GALNT18: variants seen among roughly 807,000 people sequenced by gnomAD.
GALNT18 encodes the protein GalNAc-transferase 18.
A neutral mutation model predicts 69.5 loss-of-function variants in GALNT18; 44 were observed. The observed-to-expected ratio is 0.63, with a 90% CI of 0.50 to 0.81. The LOEUF (loss-of-function observed/expected upper bound fraction) is 0.81, where lower values mean the gene tolerates loss of function less well. Ranked by LOEUF, GALNT18 falls within the 40% of genes least tolerant of loss-of-function variation. The probability of loss-of-function intolerance (pLI) is 0.00; values close to 1 mark genes in which losing one functional copy is unlikely to be tolerated. For synonymous variants in GALNT18, 364 were observed against 318.2 expected (o/e 1.14, Z -1.53); for missense variants, 715 against 810.0 (o/e 0.88, Z 1.42).
At chr11:11,397,029 T>C (rs1352600949) in intron 3 of GALNT18, among the ~76,000 whole-genome samples, 1 of 152,078 alleles carries the variant, frequency 6.6e-6, no homozygotes, top group Non-Finnish European at 1.5e-5. Flanking sequence ...CCATGGCAAA[T>C]GTGTGCAGAC....
At chr11:11,468,900 G>A (rs374878776) in intron 1 of GALNT18, among the ~76,000 whole-genome samples, 27 of 152,194 alleles carry the variant, frequency 1.8e-4, no homozygotes, top group African/African-American at 4.3e-4. Context: ...AGCGACCTTC[G>A]TTCTCCAGTG....
chr11:11,279,623 C>T (rs1017136733), intron 10 of GALNT18, among the ~76,000 whole-genome samples: 1 of 152,134 alleles, frequency 6.6e-6, no homozygotes, highest in African/African-American at 2.4e-5. Context: ...AATACAATGT[C>T]GAGCAGAAGC....
rs545743830 is a variant in GALNT18, at chr11:11,485,420, C to T, written c.236-36484G>A. Among the ~76,000 whole-genome samples, 5 of 152,264 alleles carry T rather than the reference C, an allele frequency of 3.3e-5. No homozygotes were observed. The South Asian group carries it at 1.0e-3, about 32-fold the overall frequency. On this transcript the variant is annotated intron_variant, in intron 1 of 10. Coordinates refer to ENST00000227756, the MANE Select transcript of GALNT18 (RefSeq NM_198516.3). ...AGGGAAACACATTACTTATGTTTACCAGTGTATTATAAAGGATATAGATAA... is the reference window on the plus strand; with the variant it reads ...AGGGAAACACATTACTTATGTTTACTAGTGTATTATAAAGGATATAGATAA...
intron 1 of GALNT18, among the ~76,000 whole-genome samples, chr11:11,579,504 G>A (rs967128580): frequency 4.6e-5 from 7 of 152,182 alleles, no homozygotes; most frequent in Non-Finnish European, 1.0e-4. Context: ...GGGGGTTGAG[G>A]TGGGAGTTTC....
intron 6 of GALNT18, among the ~76,000 whole-genome samples, chr11:11,364,838 C>T (rs986232608): frequency 6.6e-6 from 1 of 152,042 alleles, no homozygotes; most frequent in African/African-American, 2.4e-5. Context: ...TCTGGGATTT[C>T]CCTCAAAATA....
intron 10 of GALNT18, among the ~76,000 whole-genome samples, chr11:11,290,368 C>T (rs1181108354): frequency 6.6e-6 from 1 of 152,166 alleles, no homozygotes; most frequent in Non-Finnish European, 1.5e-5. Context: ...CTTCACAATC[C>T]CTGCCAGAGG....
chr11:11,355,900 A>G (rs562631817), intron 6 of GALNT18, among the ~76,000 whole-genome samples: 1 of 152,342 alleles, frequency 6.6e-6, no homozygotes, highest in Non-Finnish European at 1.5e-5. Context: ...AAAGGAGTGA[A>G]TGGTGTTCCT....
intron 1 of GALNT18, among the ~76,000 whole-genome samples, chr11:11,519,895 G>A (rs1857357685): frequency 1.3e-5 from 2 of 152,232 alleles, no homozygotes; most frequent in Non-Finnish European, 2.9e-5. Context: ...CACAGTGTAA[G>A]CAGCCAGTGA....
chr11:11,523,563 C>CA lies in GALNT18; in HGVS notation c.236-74628dup, dbSNP rs1857448575. On this transcript the variant is annotated intron_variant, in intron 1 of 10. Coordinates refer to ENST00000227756, the MANE Select transcript of GALNT18 (RefSeq NM_198516.3). The surrounding 1 kb of genome is among the most constrained non-coding windows in gnomAD (Gnocchi z 4.3). ...TGAAACCCCGTCTCTACTAAAAATA[C>CA]AAAAAATTAGCCAGGCGTGTTGGTG... Among the ~76,000 whole-genome samples, 1 of 151,784 alleles carries CA rather than the reference C, an allele frequency of 6.6e-6. No individual in the cohort carries two copies. The highest frequency in any genetic ancestry group is 1.5e-5 in the Non-Finnish European group (1 of 67,936).
At chr11:11,485,587 G>T (rs1228631274) in intron 1 of GALNT18, among the ~76,000 whole-genome samples, 2 of 152,170 alleles carry the variant, frequency 1.3e-5, no homozygotes, top group African/African-American at 4.8e-5. Context: ...CTTTTAGGGA[G>T]AAGTCTTTGC....
rs2133675546 is a variant in GALNT18 at position 11,372,131 on chromosome 11, T to C, written c.1092+384A>G. On this transcript the variant is annotated intron_variant, in intron 6 of 10. Transcript: ENST00000227756. The surrounding 1 kb of genome is among the most constrained non-coding windows in gnomAD (Gnocchi z 4.9). ...GCCACTGTGGAGAAGACAGAGACTGTCAAAGTGAGAAATCCCAAGGGGAGC... is the reference window on the plus strand; with the variant it reads ...GCCACTGTGGAGAAGACAGAGACTGCCAAAGTGAGAAATCCCAAGGGGAGC... Among the ~76,000 whole-genome samples, 1 of 152,290 alleles carries C rather than the reference T, an allele frequency of 6.6e-6. No individual in the cohort carries two copies. Among genetic ancestry groups the C allele is most frequent in the South Asian group, 2.1e-4 (1 of 4,814 alleles).
chr11:11,376,621 GC>G (rs1853769071), intron 5 of GALNT18, among the ~76,000 whole-genome samples: 2 of 152,140 alleles, frequency 1.3e-5, no homozygotes, highest in Admixed American at 1.3e-4. Flanking sequence ...GTCCGATCTT[GC>G]CTCTCAGCCC....
At position 11,383,514 on chromosome 11, in the gene GALNT18, C is replaced by A. The variant is rs1853970176; in HGVS notation, c.596-4250G>T. Among the ~76,000 whole-genome samples the A allele has an allele frequency of 6.6e-6, 1 of 152,208 alleles. No individual in the cohort carries two copies. The highest frequency in any genetic ancestry group is 1.5e-5 in the Non-Finnish European group (1 of 68,032). ...GTAAAACTGCCTTCCTATAGGCTTGCTGTGGAGAACCGGGCAGAGTCCTCA... is the reference window on the plus strand; with the variant it reads ...GTAAAACTGCCTTCCTATAGGCTTGATGTGGAGAACCGGGCAGAGTCCTCA... On this transcript the variant is annotated intron_variant, in intron 3 of 10. Coordinates refer to ENST00000227756, the MANE Select transcript of GALNT18 (RefSeq NM_198516.3). The surrounding 1 kb of genome is among the most constrained non-coding windows in gnomAD (Gnocchi z 5.2).
chr11:11,436,095 T>C lies in GALNT18; in HGVS notation c.429-3308A>G, dbSNP rs1855396132. Among the ~76,000 whole-genome samples the C allele has an allele frequency of 6.6e-6, 1 of 151,962 alleles. No homozygotes were observed. The highest frequency in any genetic ancestry group is 1.5e-5 in the Non-Finnish European group (1 of 67,974). On this transcript the variant is annotated intron_variant, in intron 2 of 10. Transcript: ENST00000227756. This position sits in a 1 kb window ranked among gnomAD's most constrained non-coding sequence, Gnocchi z 4.5. ...CCTGCGTGAGCAGAGAGGCGAGGGGTGGGCAGGGTAAGGAAGATGATATGG... is the reference window on the plus strand; with the variant it reads ...CCTGCGTGAGCAGAGAGGCGAGGGGCGGGCAGGGTAAGGAAGATGATATGG...
At chr11:11,355,393 G>A (rs1850509384) in intron 6 of GALNT18, among the ~76,000 whole-genome samples, 2 of 152,046 alleles carry the variant, frequency 1.3e-5, no homozygotes, top group African/African-American at 4.8e-5. Context: ...ATTGGAGATG[G>A]GGCATTTAAG....
At position 11,396,092 on chromosome 11, in the gene GALNT18, T is replaced by C. The variant is rs545818335; in HGVS notation, c.596-16828A>G. Among the ~76,000 whole-genome samples, 2 of 152,224 alleles carry C rather than the reference T, an allele frequency of 1.3e-5. No homozygotes were observed. Among genetic ancestry groups the C allele is most frequent in the Admixed American group, 6.5e-5 (1 of 15,298 alleles). On this transcript the variant is annotated intron_variant, in intron 3 of 10. Coordinates refer to ENST00000227756, the MANE Select transcript of GALNT18 (RefSeq NM_198516.3). This position sits in a 1 kb window ranked among gnomAD's most constrained non-coding sequence, Gnocchi z 5.2. Reference sequence around the variant, plus strand: ...CACTTCCCTCTGTTGCTGATCCCCATGGGGCTGAACAGTCCCAAAGAGTTA... The same window carrying C: ...CACTTCCCTCTGTTGCTGATCCCCACGGGGCTGAACAGTCCCAAAGAGTTA...
intron 3 of GALNT18, among the ~76,000 whole-genome samples, chr11:11,419,380 T>C (rs1254042051): frequency 6.6e-6 from 1 of 151,986 alleles, no homozygotes; most frequent in African/African-American, 2.4e-5. Context: ...GTGGATCACT[T>C]GAGGTCAGGA....
chr11:11,557,172 A>AAG (rs757744932), intron 1 of GALNT18, among the ~76,000 whole-genome samples: 195 of 152,332 alleles, frequency 1.3e-3, no homozygotes, highest in Non-Finnish European at 2.1e-3. Flanking sequence ...TTGCAGGTAG[A>AAG]AGAGTCTCTG....
rs149255105 is a variant in GALNT18 at position 11,592,647 on chromosome 11, G to A, written c.235+28712C>T. Reference sequence around the variant, plus strand: ...CCAGAAAGATGGTGAGAAACAGTGGGAACATCCTTCATGTAAAAATCCCAC... The same window carrying A: ...CCAGAAAGATGGTGAGAAACAGTGGAAACATCCTTCATGTAAAAATCCCAC... On this transcript the variant is annotated intron_variant, in intron 1 of 10. Coordinates refer to ENST00000227756, the MANE Select transcript of GALNT18 (RefSeq NM_198516.3). The surrounding 1 kb of genome is among the most constrained non-coding windows in gnomAD (Gnocchi z 5.9). 2.0e-5 allele frequency among the ~76,000 whole-genome samples: 3 copies of A among 152,194 alleles called. No homozygotes were observed. The highest frequency in any genetic ancestry group is 7.2e-5 in the African/African-American group (3 of 41,530).
Sources: gnomAD v4.1 joint callset for allele counts (sites outside exome capture counted in the v4.1 genomes callset) on GRCh38, gnomAD v4.1.1 for gene constraint, Gnocchi (gnomAD v3.1) non-coding constraint, MANE v1.5 for transcripts, NCBI Gene and HGNC (gene_info 2026-07-23, HGNC 2026-07-21) for gene names.